Variants in SLC6A11 observed in about 807,000 individuals in gnomAD.
SLC6A11 encodes solute carrier family 6 member 11, also known as sodium- and chloride-dependent GABA transporter 3.
In SLC6A11, 25 loss-of-function variants were observed where a neutral mutation model predicts 74.8. The observed-to-expected ratio is 0.33, with a 90% CI of 0.24 to 0.47. SLC6A11 has a LOEUF of 0.47. SLC6A11 is among the 20% of genes least tolerant of loss of function. SLC6A11 has a pLI of 1.00. For missense variants in SLC6A11, 574 were observed against 837.0 expected, an observed-to-expected ratio of 0.69 and a Z score of 3.88; for synonymous variants, 330 against 330.2, an observed-to-expected ratio of 1.00 and a Z score of 0.01.
chr3:10,829,749 T>G (rs1189807642), intron 4 of SLC6A11, among the ~76,000 whole-genome samples: 1 of 152,318 alleles, frequency 6.6e-6, no homozygotes, highest in East Asian at 1.9e-4. Flanking sequence ...ACAAAGCTCC[T>G]AGCATGTGGT....
intron 8 of SLC6A11, among the ~76,000 whole-genome samples, chr3:10,921,197 C>A (rs1475605720): frequency 6.6e-6 from 1 of 152,222 alleles, no homozygotes; most frequent in Non-Finnish European, 1.5e-5. Context: ...TCAGGATGCT[C>A]TCTTCTAGGG....
chr3:10,830,637 GC>G (rs1299249579), intron 4 of SLC6A11, among the ~76,000 whole-genome samples: 1 of 152,176 alleles, frequency 6.6e-6, no homozygotes, highest in Non-Finnish European at 1.5e-5. Context: ...TGGCATGTCA[GC>G]AAGGGAACTG....
intron 5 of SLC6A11, among the ~76,000 whole-genome samples, chr3:10,861,420 G>A (rs1694701946): frequency 6.6e-6 from 1 of 152,156 alleles, no homozygotes; most frequent in Non-Finnish European, 1.5e-5. Context: ...TGGAGGCTGA[G>A]GTGGGAGGAT....
chr3:10,822,095 C>G (rs1407411193), intron 3 of SLC6A11, among the ~76,000 whole-genome samples: 1 of 152,238 alleles, frequency 6.6e-6, no homozygotes. Context: ...TCCCCTTTCT[C>G]TAAAGGTGTG....
At chr3:10,934,000 T>A in intron 11 of SLC6A11, 66 bp from the exon 12 acceptor site, 2 of 1,063,560 alleles carry the variant, frequency 1.9e-6, no homozygotes, top group Non-Finnish European at 2.9e-6. Flanking sequence ...CTCCTAGCCA[T>A]TCCTCTGACT....
chr3:10,938,210 G>A lies in SLC6A11; in HGVS notation c.1747-40G>A, dbSNP rs755423704. The A allele has an allele frequency of 3.9e-6, 6 of 1,547,544 alleles. No homozygotes were observed. In the South Asian group the frequency reaches 6.2e-5, roughly 16 times the overall value. ...CCACGGCAGACCCTGGACCCTGGCAGCTAATCACTCAGATCTTCCCCTCCT... is the reference window on the plus strand; with the variant it reads ...CCACGGCAGACCCTGGACCCTGGCAACTAATCACTCAGATCTTCCCCTCCT... On this transcript the variant is annotated intron_variant, in intron 13 of 13. Transcript: ENST00000254488.
At chr3:10,890,978 G>A (rs1486548113) in intron 6 of SLC6A11, among the ~76,000 whole-genome samples, 1 of 152,218 alleles carries the variant, frequency 6.6e-6, no homozygotes, top group East Asian at 1.9e-4. Context: ...GGTGAGCTGA[G>A]GGGTAGAGTT....
chr3:10,902,238 G>A (rs1695249889), intron 6 of SLC6A11, among the ~76,000 whole-genome samples: 1 of 152,224 alleles, frequency 6.6e-6, no homozygotes, highest in African/African-American at 2.4e-5. Context: ...GGGTCTGACG[G>A]TTTTCACACA....
At chr3:10,838,864 C>G (rs1575671341) in intron 4 of SLC6A11, among the ~76,000 whole-genome samples, 1 of 152,126 alleles carries the variant, frequency 6.6e-6, no homozygotes, top group Admixed American at 6.5e-5. Context: ...CTGAATGAAG[C>G]GAGATGGGGG....
intron 6 of SLC6A11, among the ~76,000 whole-genome samples, chr3:10,908,602 G>T (rs1695342834): frequency 1.3e-5 from 2 of 152,098 alleles, no homozygotes; most frequent in Admixed American, 1.3e-4. Context: ...TTCTCTGATT[G>T]CCTTAGCACA....
At chr3:10,857,167 G>A (rs1694647607) in intron 5 of SLC6A11, among the ~76,000 whole-genome samples, 1 of 152,170 alleles carries the variant, frequency 6.6e-6, no homozygotes. Flanking sequence ...TTTGGATAAG[G>A]AGGTTATAGT....
In SLC6A11 at chr3:10,890,119, A is replaced by G. The variant is rs538747010; in HGVS notation, c.891+15024A>G. Among the ~76,000 whole-genome samples, 17 of 150,734 alleles carry G rather than the reference A, an allele frequency of 1.1e-4. No homozygotes were observed. The South Asian group carries it at 2.1e-3, about 18-fold the overall frequency. The stretch of plus-strand genomic sequence containing the variant: ...CCCATCTGTGGCTAGTGGCCACCAT[A>G]TCAGAGAGCACATACATAGAACATG... On this transcript the variant is annotated intron_variant, in intron 6 of 13. Coordinates refer to ENST00000254488, the MANE Select transcript of SLC6A11 (RefSeq NM_014229.3).
At chr3:10,870,160 G>A (rs186812238) in intron 5 of SLC6A11, among the ~76,000 whole-genome samples, 27 of 152,204 alleles carry the variant, frequency 1.8e-4, no homozygotes, top group South Asian at 1.5e-3. Flanking sequence ...ATCCCTTCCC[G>A]GAGACCCTGG....
intron 4 of SLC6A11, among the ~76,000 whole-genome samples, chr3:10,837,915 TC>T (rs977205826): frequency 5.9e-5 from 9 of 152,352 alleles, no homozygotes; most frequent in African/African-American, 2.2e-4. Context: ...AGCGGCCAGC[TC>T]CCTTGGCGGG....
In SLC6A11 at chr3:10,937,349, C is replaced by G. The variant is rs529552324; in HGVS notation, c.1747-901C>G. 7.9e-5 allele frequency among the ~76,000 whole-genome samples: 12 copies of G among 152,346 alleles called. No individual in the cohort carries two copies. In the South Asian group the frequency reaches 2.5e-3, roughly 32 times the overall value. On this transcript the variant is annotated intron_variant, in intron 13 of 13. Coordinates refer to ENST00000254488, the MANE Select transcript of SLC6A11 (RefSeq NM_014229.3). ...TCCATGCCAGAGCCTGGCACGGTGCCTGGCACAGAGGAGGCACCTATTAAT... is the reference window on the plus strand; with the variant it reads ...TCCATGCCAGAGCCTGGCACGGTGCGTGGCACAGAGGAGGCACCTATTAAT...
In SLC6A11 at chr3:10,819,871, C is replaced by T; in HGVS notation, c.532+19C>T. 6.2e-7 allele frequency: 1 copy of T among 1,611,948 alleles called. No homozygotes were observed. Among genetic ancestry groups the T allele is most frequent in the Non-Finnish European group, 8.5e-7 (1 of 1,178,988 alleles). ...AACACAGGTATGGCCCCACGGAGGT[C>T]TCTCTGCTGGTCCTGCTGGGTGACC... is the stretch of plus-strand genomic sequence containing the variant. On this transcript the variant is annotated intron_variant, in intron 3 of 13. Transcript: ENST00000254488.
intron 6 of SLC6A11, among the ~76,000 whole-genome samples, chr3:10,882,203 CCTT>C (rs1405055228): frequency 3.3e-5 from 5 of 152,206 alleles, no homozygotes; most frequent in African/African-American, 1.2e-4. Context: ...CATTTCTACT[CCTT>C]CTTTGGAGCC....
At chr3:10,872,772 C>T (rs1694842327) in intron 5 of SLC6A11, among the ~76,000 whole-genome samples, 1 of 152,102 alleles carries the variant, frequency 6.6e-6, no homozygotes, top group Non-Finnish European at 1.5e-5. Context: ...TCAAAGAAAC[C>T]CTGGGTTGAA....
Position 10,940,305 on chromosome 3 carries a change from C to T in SLC6A11, c.*1903C>T, listed in dbSNP as rs897833161. The T allele has an allele frequency of 2.0e-5, 3 of 152,246 alleles. No homozygotes were observed. Among genetic ancestry groups the T allele is most frequent in the Admixed American group, 6.5e-5 (1 of 15,284 alleles). The allele number at this position is 152,246 out of a possible 1,614,324, so 9.4% of individuals were successfully genotyped here. A position where few individuals can be genotyped will look rare whatever the true frequency, so the allele number is the denominator to read the frequency against. ...TCGGCTGCTGTCTTCCCAGCAGGCC[C>T]CAGGCAAGGAGGCTTCCCATTGCTG... On this transcript the variant is annotated 3_prime_UTR_variant, in exon 14 of 14. Transcript: ENST00000254488.
Sources: allele counts gnomAD v4.1 joint callset (sites outside exome capture counted in the v4.1 genomes callset), GRCh38; gene constraint gnomAD v4.1.1; transcripts MANE v1.5; gene names NCBI Gene and HGNC (gene_info 2026-07-23, HGNC 2026-07-21).